BRPF3: variants seen among roughly 807,000 people sequenced by gnomAD.
BRPF3 encodes the protein bromodomain and PHD finger containing 3, also known as bromodomain and PHD finger-containing protein 3.
A neutral mutation model predicts 102.0 loss-of-function variants in BRPF3; 18 were observed. The observed-to-expected ratio is 0.18, with a 90% CI of 0.12 to 0.26. The LOEUF is 0.26. Ranked by LOEUF, BRPF3 falls within the 10% of genes least tolerant of loss-of-function variation. The probability of loss-of-function intolerance (pLI) is 1.00; values close to 1 mark genes in which losing one functional copy is unlikely to be tolerated. For missense variants in BRPF3, 1,147 were observed against 1,567.8 expected (o/e 0.73, Z 4.53); for synonymous variants, 570 against 614.2 (o/e 0.93, Z 1.06).
chr6:36,229,326 T>C (rs1768854082), intron 12 of BRPF3, among the ~76,000 whole-genome samples: 1 of 152,224 alleles, frequency 6.6e-6, no homozygotes, highest in Non-Finnish European at 1.5e-5. Flanking sequence ...GGGCAGAAGT[T>C]GAACTACAGC....
intron 8 of BRPF3, among the ~76,000 whole-genome samples, chr6:36,215,726 C>A (rs1002617268): frequency 1.3e-5 from 2 of 152,102 alleles, no homozygotes; most frequent in African/African-American, 4.8e-5. Context: ...AGGACAGAAT[C>A]TCTGTGAGGG....
Position 36,210,619 on chromosome 6 carries a change from G to T in BRPF3, c.2179+91G>T. 8.1e-7 allele frequency: 1 copy of T among 1,241,372 alleles called. No individual in the cohort carries two copies. Among genetic ancestry groups the T allele is most frequent in the Non-Finnish European group, 1.1e-6 (1 of 905,396 alleles). The allele number at this position is 1,241,372 out of a possible 1,614,324, so 76.9% of individuals were successfully genotyped here. On this transcript the variant is annotated intron_variant, in intron 6 of 12. Coordinates refer to ENST00000357641, the MANE Select transcript of BRPF3 (RefSeq NM_015695.3). This position sits in a 1 kb window ranked among gnomAD's most constrained non-coding sequence, Gnocchi z 4.7. Reference sequence around the variant, plus strand: ...GTGAGGGATCAGGGTGGTCCTTGGGGCTATAGGTAGACTCCAGGAGCAAAG... The same window carrying T: ...GTGAGGGATCAGGGTGGTCCTTGGGTCTATAGGTAGACTCCAGGAGCAAAG...
At chr6:36,214,954 A>C in intron 8 of BRPF3, among the ~76,000 whole-genome samples, 1 of 152,070 alleles carries the variant, frequency 6.6e-6, no homozygotes, top group East Asian at 1.9e-4. Context: ...GAACATTCCA[A>C]AAAGATAGAC....
chr6:36,201,038 T>A lies in BRPF3; in HGVS notation c.716T>A (p.Val239Glu). ...ILFCDICNLA[V>E]HQECYGVPYI... is the part of the protein sequence containing the mutation. Reference sequence around the variant, plus strand: ...TTCTGTGACATCTGCAACCTGGCTGTACACCAGGAGTGCTATGGCGTCCCA... The same window carrying A: ...TTCTGTGACATCTGCAACCTGGCTGAACACCAGGAGTGCTATGGCGTCCCA... Residue 239 changes from valine to glutamate, a missense_variant, in exon 2 of 13, where the codon GTA becomes GAA. Coordinates refer to ENST00000357641, the MANE Select transcript of BRPF3 (RefSeq NM_015695.3). The surrounding 1 kb of genome is among the most constrained non-coding windows in gnomAD (Gnocchi z 5.1). 1 of 1,614,170 alleles carries A rather than the reference T, an allele frequency of 6.2e-7. No homozygotes were observed. The highest frequency in any genetic ancestry group is 8.5e-7 in the Non-Finnish European group (1 of 1,180,030).
chr6:36,222,135 C>T (rs892899617), intron 9 of BRPF3, 33 bp from the exon 10 acceptor site: 5 of 1,544,738 alleles, frequency 3.2e-6, no homozygotes, highest in African/African-American at 2.7e-5. Context: ...TGAAATTGCT[C>T]ATTTCACCCC....
chr6:36,214,595 G>T (rs1266867332), intron 8 of BRPF3, among the ~76,000 whole-genome samples: 2 of 152,240 alleles, frequency 1.3e-5, no homozygotes, highest in Non-Finnish European at 2.9e-5. Flanking sequence ...CAGAGAGCCA[G>T]ATTGTGTCTG....
chr6:36,215,340 C>T (rs112133070), intron 8 of BRPF3, among the ~76,000 whole-genome samples: 32,934 of 152,072 alleles, frequency 0.22, 4,303 homozygotes, highest in Middle Eastern at 0.3. Context: ...GGTCACCTGA[C>T]CTCAAGTGAT....
intron 8 of BRPF3, among the ~76,000 whole-genome samples, chr6:36,215,999 C>T (rs1379910138): frequency 6.6e-6 from 1 of 152,170 alleles, no homozygotes; most frequent in Non-Finnish European, 1.5e-5. Context: ...ACAATACCTT[C>T]CCATCTCGTC....
In BRPF3 at chr6:36,230,493, C is replaced by G; in HGVS notation, c.3502C>G (p.Leu1168Val). 6.2e-7 allele frequency: 1 copy of G among 1,614,190 alleles called. No individual in the cohort carries two copies. The highest frequency in any genetic ancestry group is 8.5e-7 in the Non-Finnish European group (1 of 1,180,010). ...AGACACCGTGGACAAGCTCAAGATG[C>G]TGGAAGGCCGCAAGACCAGCATCCG... is the stretch of plus-strand genomic sequence containing the variant. ...VEDTVDKLKM[L>V]EGRKTSIRKS... Residue 1168 changes from leucine to valine, a missense_variant, in exon 13 of 13, where the codon CTG becomes GTG. Physicochemically the swap from Leu to Val is conservative, Grantham distance 32. Coordinates refer to ENST00000357641, the MANE Select transcript of BRPF3 (RefSeq NM_015695.3). The surrounding 1 kb of genome is among the most constrained non-coding windows in gnomAD (Gnocchi z 5.4).
intron 7 of BRPF3, 69 bp downstream of exon 7, chr6:36,211,629 A>C: frequency 5.0e-5 from 74 of 1,491,642 alleles, no homozygotes; most frequent in Non-Finnish European, 6.3e-5. Context: ...CTGAAATATC[A>C]TAATGGGGGT....
chr6:36,214,475 T>C (rs2127289354), intron 8 of BRPF3, 89 bp downstream of exon 8: 1 of 1,416,942 alleles, frequency 7.1e-7, no homozygotes, highest in African/African-American at 1.4e-5. Flanking sequence ...TGGCCATCTC[T>C]CTAATGGCAC....
chr6:36,219,058 A>G (rs570006662), intron 9 of BRPF3, among the ~76,000 whole-genome samples: 96 of 152,302 alleles, frequency 6.3e-4, no homozygotes, highest in Non-Finnish European at 9.6e-4. Flanking sequence ...TCTTAGGTTC[A>G]GAGTAGGGGA....
intron 2 of BRPF3, 38 bp from the exon 3 acceptor site, chr6:36,204,620 C>G: frequency 6.2e-7 from 1 of 1,613,636 alleles, no homozygotes; most frequent in Non-Finnish European, 8.5e-7. Flanking sequence ...GGGCTGCCCA[C>G]TGACCTTGTC....
chr6:36,207,545 T>A, intron 4 of BRPF3, 101 bp downstream of exon 4: 1 of 1,452,088 alleles, frequency 6.9e-7, no homozygotes, highest in South Asian at 1.4e-5. Context: ...TTATGCTAGG[T>A]TTCTTTCTCC....
At position 36,211,316 on chromosome 6, in the gene BRPF3, G is replaced by A. The variant is rs1244564376; in HGVS notation, c.2238G>A (p.Lys746=). 6.2e-7 allele frequency: 1 copy of A among 1,614,262 alleles called. No individual in the cohort carries two copies. Among genetic ancestry groups the A allele is most frequent in the Non-Finnish European group, 8.5e-7 (1 of 1,180,052 alleles). Residue 746 remains lysine (K), a synonymous_variant, in exon 7 of 13, where the codon AAG becomes AAA. Transcript: ENST00000357641. ...ATTTGTCCCCAGAGGTGCAGCTGAA[G>A]GAGCTGCTGGAGAAACTGGACCTGG... ...RAHLSPEVQL[K]ELLEKLDLVS...
Position 36,200,623 on chromosome 6 carries a change from G to A in BRPF3, c.301G>A (p.Glu101Lys), listed in dbSNP as rs1245447261. The A allele has an allele frequency of 6.2e-7, 1 of 1,614,138 alleles. No individual in the cohort carries two copies. The highest frequency in any genetic ancestry group is 1.3e-5 in the African/African-American group (1 of 75,020). Residue 101 changes from glutamate to lysine, a missense_variant, in exon 2 of 13, where the codon GAA becomes AAA. Transcript: ENST00000357641. This position sits in a 1 kb window ranked among gnomAD's most constrained non-coding sequence, Gnocchi z 5.3. ...KKPSSKGKKK[E>K]SCSKHASGTS... Reference sequence around the variant, plus strand: ...ACCCTCATCCAAGGGCAAAAAGAAGGAATCCTGCTCCAAGCATGCATCTGG... The same window carrying A: ...ACCCTCATCCAAGGGCAAAAAGAAGAAATCCTGCTCCAAGCATGCATCTGG...
rs1767638240 is a variant in BRPF3 at position 36,200,062 on chromosome 6, A to G, written c.-26-235A>G. Among the ~76,000 whole-genome samples the G allele has an allele frequency of 6.6e-6, 1 of 152,218 alleles. No homozygotes were observed. The highest frequency in any genetic ancestry group is 6.5e-5 in the Admixed American group (1 of 15,284). On this transcript the variant is annotated intron_variant, in intron 1 of 12. Transcript: ENST00000357641. This position sits in a 1 kb window ranked among gnomAD's most constrained non-coding sequence, Gnocchi z 5.3. The stretch of plus-strand genomic sequence containing the variant: ...GAAAGGTAGATTGCTGGTGGAGGAA[A>G]AGGATTTGCAATTTTAGATAAAGTG...
At chr6:36,221,312 G>A (rs1236252728) in intron 9 of BRPF3, among the ~76,000 whole-genome samples, 6 of 131,576 alleles carry the variant, frequency 4.6e-5, no homozygotes, top group African/African-American at 1.7e-4. Flanking sequence ...TTTTGAGATG[G>A]AGTCTTGCTC....
In BRPF3 at chr6:36,201,474, G is replaced by T. The variant is rs1340311254; in HGVS notation, c.1152G>T (p.Glu384Asp). ...CAGTGCGCAAGACTGCCTACTGTGA[G>T]GCCCACTCGCCACCAGGTGCGGCCA... ...IFTVRKTAYC[E>D]AHSPPGAATA... Residue 384 changes from glutamate to aspartate, a missense_variant, in exon 2 of 13, where the codon GAG (glutamate) becomes GAT (aspartate). Physicochemically the swap from Glu to Asp is conservative, Grantham distance 45. Around this residue, in one of 11 missense-constraint regions of BRPF3, gnomAD observed 157 missense variants for 163.6 expected, o/e 0.96. Coordinates refer to ENST00000357641, the MANE Select transcript of BRPF3 (RefSeq NM_015695.3). The surrounding 1 kb of genome is among the most constrained non-coding windows in gnomAD (Gnocchi z 5.1). 1 of 1,614,096 alleles carries T rather than the reference G, an allele frequency of 6.2e-7. No individual in the cohort carries two copies. Among genetic ancestry groups the T allele is most frequent in the African/African-American group, 1.3e-5 (1 of 74,926 alleles).
Sources: allele counts gnomAD v4.1 joint callset (sites outside exome capture counted in the v4.1 genomes callset), GRCh38; gene constraint gnomAD v4.1.1; regional missense constraint gnomAD v4.1.1; non-coding constraint Gnocchi (gnomAD v3.1); transcripts MANE v1.5; gene names NCBI Gene and HGNC (gene_info 2026-07-23, HGNC 2026-07-21).